ZFYVE26: variants seen among roughly 807,000 people sequenced by gnomAD.
ZFYVE26 encodes the protein zinc finger FYVE domain-containing protein 26.
A neutral mutation model predicts 276.5 loss-of-function variants in ZFYVE26; 181 were observed. That is an observed-to-expected ratio of 0.65 (90% CI 0.58 to 0.74). ZFYVE26 has a LOEUF of 0.74. Ranked by LOEUF, ZFYVE26 falls within the 30% of genes least tolerant of loss-of-function variation. The pLI is 0.00. For synonymous variants in ZFYVE26, 1,129 were observed against 1,203.1 expected (o/e 0.94, Z 1.27); for missense variants, 2,821 against 3,097.9 (o/e 0.91, Z 2.12).
At chr14:67,777,770 T>C (rs1266750702) in intron 24 of ZFYVE26, 35 bp from the exon 25 acceptor site, 1 of 1,612,380 alleles carries the variant, frequency 6.2e-7, no homozygotes, top group South Asian at 1.1e-5. Context: ...AGGTGTGGCC[T>C]GCAGAAGAGC....
chr14:67,775,013 T>C lies in ZFYVE26; in HGVS notation c.5320+3A>G. The stretch of plus-strand genomic sequence containing the variant: ...TTAGTGAATCATCAGAGCCAGTTCT[T>C]ACCAGGAGGAGCAGCAGGAGAGAAC... On this transcript the variant is annotated splice_donor_region_variant and intron_variant, in intron 27 of 41. Transcript: ENST00000347230. 1 of 1,606,594 alleles carries C rather than the reference T, an allele frequency of 6.2e-7. No individual in the cohort carries two copies. Among genetic ancestry groups the C allele is most frequent in the South Asian group, 1.1e-5 (1 of 89,596 alleles).
In ZFYVE26 at chr14:67,729,503, C is replaced by A. The variant is rs540480560; in HGVS notation, n.2996G>T. 1.1e-5 allele frequency: 10 copies of A among 923,536 alleles called. No homozygotes were observed. In the African/African-American group the frequency reaches 1.5e-4, roughly 13 times the overall value. The allele number at this position is 923,536 out of a possible 1,614,324, so 57.2% of individuals were successfully genotyped here. A position where few individuals can be genotyped will look rare whatever the true frequency, so the allele number is the denominator to read the frequency against. On this transcript the variant is annotated non_coding_transcript_exon_variant, in exon 14 of 15. Transcript: ENST00000394455. ...TGATGCAATCCAGGTTTGGGTTGGG[C>A]CTGCAAACAGAATGCCGTTGCTTTG...
chr14:67,795,102 T>C lies in ZFYVE26; in HGVS notation c.2333-863A>G, dbSNP rs1259945467. 3.9e-5 allele frequency among the ~76,000 whole-genome samples: 6 copies of C among 152,296 alleles called. No individual in the cohort carries two copies. The East Asian group carries it at 1.2e-3, about 29-fold the overall frequency. On this transcript the variant is annotated intron_variant, in intron 12 of 41. Coordinates refer to ENST00000347230, the MANE Select transcript of ZFYVE26 (RefSeq NM_015346.4). ...AGAGGCTCGCTATTCCTTAGCCTGG[T>C]CATTCGAGGGGCTGTCTCAGCCTCA...
At chr14:67,813,038 T>A (rs1469803545) in intron 3 of ZFYVE26, among the ~76,000 whole-genome samples, 1 of 152,214 alleles carries the variant, frequency 6.6e-6, no homozygotes, top group Non-Finnish European at 1.5e-5. Context: ...ACATTCAGAT[T>A]AGCAATTTCT....
intron 12 of ZFYVE26, among the ~76,000 whole-genome samples, chr14:67,795,279 G>C (rs1475289003): frequency 6.6e-6 from 1 of 152,160 alleles, no homozygotes; most frequent in Non-Finnish European, 1.5e-5. Context: ...CAGCTTAAGG[G>C]ACTTAGCAAC....
At chr14:67,802,468 T>C (rs184058748) in intron 9 of ZFYVE26, among the ~76,000 whole-genome samples, 186 bp from the exon 10 acceptor site, 1 of 152,340 alleles carries the variant, frequency 6.6e-6, no homozygotes, top group Admixed American at 6.5e-5. Flanking sequence ...CAACTTTCAG[T>C]TCCCTGCACT....
chr14:67,729,270 G>C (rs752438534), exon 14 of ZFYVE26: 1 of 1,606,612 alleles, frequency 6.2e-7, no homozygotes, highest in East Asian at 2.2e-5. Context: ...TGCTCTGCCT[G>C]CTCTGGCGGC....
At chr14:67,771,973 T>C in intron 28 of ZFYVE26, 74 bp downstream of exon 28, 1 of 1,567,102 alleles carries the variant, frequency 6.4e-7, no homozygotes, top group East Asian at 2.3e-5. Context: ...GCGGTGATTG[T>C]AAACTCAGGC....
intron 14 of ZFYVE26, 136 bp from the exon 15 acceptor site, chr14:67,790,909 A>G (rs1316336037): frequency 1.3e-6 from 1 of 794,136 alleles, no homozygotes; most frequent in Non-Finnish European, 2.2e-6. Context: ...AAGAGCACTG[A>G]ATGTTAGAAG....
chr14:67,735,109 A>G (rs2038336380), intron 13 of ZFYVE26: 3 of 781,374 alleles, frequency 3.8e-6, no homozygotes, highest in Non-Finnish European at 7.0e-6. Flanking sequence ...AAGAATGCAA[A>G]AGAAAACAAT....
In ZFYVE26 at chr14:67,797,985, T is replaced by C. The variant is rs748786955; in HGVS notation, c.2248+29A>G. On this transcript the variant is annotated intron_variant, in intron 11 of 41. Coordinates refer to ENST00000347230, the MANE Select transcript of ZFYVE26 (RefSeq NM_015346.4). ...GGGATCTTTCTCCCTCTCCACCTTC[T>C]GGTCCCACCAGTTCCACCCTTCTCT... 41 of 1,613,708 alleles carry C rather than the reference T, an allele frequency of 2.5e-5. No individual in the cohort carries two copies. In the South Asian group the frequency reaches 4.2e-4, roughly 16 times the overall value.
chr14:67,777,875 C>T (rs949724341), intron 24 of ZFYVE26, 140 bp from the exon 25 acceptor site: 3 of 1,220,956 alleles, frequency 2.5e-6, no homozygotes, highest in Middle Eastern at 2.5e-4. Flanking sequence ...TTTTTAACCA[C>T]CTCTGTAGTT....
At position 67,767,757 on chromosome 14, in the gene ZFYVE26, C is replaced by A. The variant is rs774971257; in HGVS notation, c.5737G>T (p.Asp1913Tyr). The A allele has an allele frequency of 1.9e-6, 3 of 1,614,050 alleles. No individual in the cohort carries two copies. The African/African-American group carries it at 4.0e-5, about 22-fold the overall frequency. Residue 1913 changes from aspartate (D) to tyrosine (Y), a missense_variant, in exon 31 of 42, where the codon GAT becomes TAT. Coordinates refer to ENST00000347230, the MANE Select transcript of ZFYVE26 (RefSeq NM_015346.4). ...AGCTCATTTTCCTCCTCTTTGAGAT[C>A]CAAAATCCATTCCACCTCATCTGCT... ...PKADEVEWILDLKEEENELVR... is the reference protein window; with the variant it reads ...PKADEVEWILYLKEEENELVR...
At chr14:67,757,716 T>G (rs1414245585) in intron 35 of ZFYVE26, among the ~76,000 whole-genome samples, 1 of 151,326 alleles carries the variant, frequency 6.6e-6, no homozygotes, top group Non-Finnish European at 1.5e-5. Flanking sequence ...TCTCTCTTTC[T>G]TTCTTTTTCT....
intron 33 of ZFYVE26, 104 bp from the exon 34 acceptor site, chr14:67,762,516 A>C: frequency 6.6e-7 from 1 of 1,523,998 alleles, no homozygotes; most frequent in South Asian, 1.2e-5. Flanking sequence ...CATTCCCACT[A>C]TCTGCCATTA....
chr14:67,794,329 T>C, intron 12 of ZFYVE26, 90 bp from the exon 13 acceptor site: 4 of 1,238,170 alleles, frequency 3.2e-6, no homozygotes, highest in Non-Finnish European at 4.8e-6. Flanking sequence ...AAGATCTGTG[T>C]AGTTAGAGAC....
intron 41 of ZFYVE26, among the ~76,000 whole-genome samples, chr14:67,749,097 C>A (rs1344421694): frequency 1.3e-5 from 2 of 152,198 alleles, no homozygotes; most frequent in African/African-American, 4.8e-5. Context: ...TTTTCTACTC[C>A]TGTAGTATTC....
chr14:67,753,318 A>C (rs1361618490), intron 39 of ZFYVE26, among the ~76,000 whole-genome samples: 1 of 152,106 alleles, frequency 6.6e-6, no homozygotes, highest in African/African-American at 2.4e-5. Context: ...TAGGAAACAT[A>C]TTCCTCCAGC....
At position 67,785,189 on chromosome 14, in the gene ZFYVE26, A is replaced by T. The variant is rs955704650; in HGVS notation, c.3393T>A (p.Thr1131=). The T allele has an allele frequency of 6.2e-7, 1 of 1,614,018 alleles. No individual in the cohort carries two copies. The highest frequency in any genetic ancestry group is 8.5e-7 in the Non-Finnish European group (1 of 1,180,012). The part of the protein sequence containing the change: ...EAEAHPVQIQ[T]QLLQKNLGKQ... ...TGCCCAGGTTCTTCTGGAGGAGCTGAGTCTGGATCTGCACAGGGTGGGCCT... is the reference window on the plus strand; with the variant it reads ...TGCCCAGGTTCTTCTGGAGGAGCTGTGTCTGGATCTGCACAGGGTGGGCCT... Residue 1131 remains threonine (T), a synonymous_variant, in exon 19 of 42, where the codon ACT becomes ACA. Coordinates refer to ENST00000347230, the MANE Select transcript of ZFYVE26 (RefSeq NM_015346.4).
Sources: allele counts gnomAD v4.1 joint callset (sites outside exome capture counted in the v4.1 genomes callset), GRCh38; gene constraint gnomAD v4.1.1; transcripts MANE v1.5; gene names NCBI Gene and HGNC (gene_info 2026-07-23, HGNC 2026-07-21).